The following ARHGAP21 variants were observed in gnomAD, a reference collection of about 807,000 sequenced individuals.
ARHGAP21 encodes rho GTPase-activating protein 21.
A neutral mutation model predicts 164.6 loss-of-function variants in ARHGAP21; 38 were observed. That is an observed-to-expected ratio of 0.23 (90% confidence interval 0.18 to 0.30). ARHGAP21 has a LOEUF of 0.30. ARHGAP21 is among the 10% of genes least tolerant of loss of function. The pLI is 1.00. For synonymous variants in ARHGAP21, 766 were observed against 857.9 expected, an observed-to-expected ratio of 0.89 and a Z score of 1.87; for missense variants, 1,822 against 2,370.7, an observed-to-expected ratio of 0.77 and a Z score of 4.81.
At chr10:24,695,115 A>G (rs1004305259) in intron 2 of ARHGAP21, among the ~76,000 whole-genome samples, 6 of 147,192 alleles carry the variant, frequency 4.1e-5, no homozygotes, top group African/African-American at 1.2e-4. Flanking sequence ...AAGAAAAGAA[A>G]CTCCCTGAAC....
intron 7 of ARHGAP21, 146 bp from the exon 8 acceptor site, chr10:24,622,908 A>G: frequency 1.5e-6 from 1 of 654,592 alleles, no homozygotes; most frequent in South Asian, 2.2e-5. Context: ...AAGGGCAGTG[A>G]AGCATAAAGA....
At chr10:24,649,685 G>A (rs1184338615) in intron 4 of ARHGAP21, among the ~76,000 whole-genome samples, 1 of 150,862 alleles carries the variant, frequency 6.6e-6, no homozygotes, top group African/African-American at 2.4e-5. Context: ...ATTTTTGAAG[G>A]TCATAAAACA....
chr10:24,612,581 G>A (rs927456618), intron 9 of ARHGAP21, among the ~76,000 whole-genome samples: 6 of 152,214 alleles, frequency 3.9e-5, no homozygotes, highest in African/African-American at 1.4e-4. Context: ...CAGGCCAGGT[G>A]TGGTGGCTCA....
intron 4 of ARHGAP21, among the ~76,000 whole-genome samples, chr10:24,656,545 C>T (rs1212713463): frequency 1.1e-5 from 1 of 94,876 alleles, no homozygotes; most frequent in Admixed American, 8.9e-5. Context: ...CCCGGCCAGC[C>T]GCCCTGTCCG....
chr10:24,647,055 G>T (rs1837642497), intron 4 of ARHGAP21, among the ~76,000 whole-genome samples: 1 of 152,082 alleles, frequency 6.6e-6, no homozygotes, highest in African/African-American at 2.4e-5. Flanking sequence ...TTAGTTCTCT[G>T]CAATCCTAAA....
chr10:24,615,263 G>A (rs926309383), intron 9 of ARHGAP21, among the ~76,000 whole-genome samples: 1 of 152,134 alleles, frequency 6.6e-6, no homozygotes, highest in African/African-American at 2.4e-5. Context: ...TTTATTGGTG[G>A]AACATTTTTG....
At chr10:24,686,567 A>G (rs1842233032) in intron 2 of ARHGAP21, among the ~76,000 whole-genome samples, 1 of 152,246 alleles carries the variant, frequency 6.6e-6, no homozygotes, top group Non-Finnish European at 1.5e-5. Context: ...TTTCAATGGC[A>G]TGAGAAAATG....
At chr10:24,716,260 G>A (rs565385329) in intron 2 of ARHGAP21, among the ~76,000 whole-genome samples, 39 of 152,306 alleles carry the variant, frequency 2.6e-4, no homozygotes, top group African/African-American at 7.5e-4. Flanking sequence ...TAAGCATGCC[G>A]GGTGGAGACT....
chr10:24,588,000 GTC>G (rs1364223296), intron 25 of ARHGAP21, among the ~76,000 whole-genome samples: 2 of 152,260 alleles, frequency 1.3e-5, no homozygotes, highest in East Asian at 1.9e-4. Context: ...TTTCAAACAG[GTC>G]TCTCTGGTTT....
chr10:24,716,699 G>C (rs1186160411), intron 2 of ARHGAP21, among the ~76,000 whole-genome samples: 1 of 152,236 alleles, frequency 6.6e-6, no homozygotes, highest in Non-Finnish European at 1.5e-5. Context: ...TAAATTGTCT[G>C]TCCTGATTGC....
intron 2 of ARHGAP21, among the ~76,000 whole-genome samples, chr10:24,712,160 C>T (rs1392150027): frequency 6.6e-6 from 1 of 152,132 alleles, no homozygotes; most frequent in Non-Finnish European, 1.5e-5. Context: ...AAGTGATCTG[C>T]CTGCCTCAGC....
chr10:24,655,863 G>A (rs1354285463), intron 4 of ARHGAP21, among the ~76,000 whole-genome samples: 14 of 132,916 alleles, frequency 1.1e-4, no homozygotes, highest in African/African-American at 2.6e-4. Flanking sequence ...CCTCTGCCCC[G>A]CCACCCCATC....
intron 16 of ARHGAP21, 107 bp from the exon 17 acceptor site, chr10:24,596,989 A>C (rs1244824445): frequency 8.4e-7 from 1 of 1,193,116 alleles, no homozygotes; most frequent in African/African-American, 1.6e-5. Context: ...CAAGTCCTGT[A>C]ATATAAATAA....
intron 4 of ARHGAP21, among the ~76,000 whole-genome samples, chr10:24,645,797 C>G (rs1837511197): frequency 6.6e-6 from 1 of 152,060 alleles, no homozygotes; most frequent in Admixed American, 6.6e-5. Context: ...GCTCTACATT[C>G]CAACTGAGAG....
intron 15 of ARHGAP21, 79 bp downstream of exon 15, chr10:24,597,866 G>C: frequency 7.0e-7 from 1 of 1,435,718 alleles, no homozygotes; most frequent in Non-Finnish European, 9.7e-7. Context: ...GGGGGTCTTG[G>C]AATGTATCCT....
Position 24,585,257 on chromosome 10 carries a change from C to T in ARHGAP21, c.5032G>A (p.Glu1678Lys), listed in dbSNP as rs752660459. The change falls in exon 26 of 26, where the codon GAG becomes AAG. Residue 1678 changes from glutamate (E) to lysine (K), a missense_variant. By Grantham distance (56) the Glu-to-Lys change is moderately conservative. Around this residue, in one of 5 missense-constraint regions of ARHGAP21, gnomAD observed 117 missense variants for 193.2 expected, o/e 0.61. Transcript: ENST00000396432. The part of the protein sequence containing the change: ...NSEGSELSCT[E>K]GSLTSSLDSR... ...TCTAAACTTGATGTTAAACTTCCCT[C>T]GGTGCAACTTAATTCACTTCCTTCA... 4 of 1,606,010 alleles carry T rather than the reference C, an allele frequency of 2.5e-6. No individual in the cohort carries two copies. The highest frequency in any genetic ancestry group is 1.3e-5 in the African/African-American group (1 of 74,782).
At chr10:24,639,550 T>A (rs551300913) in intron 4 of ARHGAP21, among the ~76,000 whole-genome samples, 2 of 152,262 alleles carry the variant, frequency 1.3e-5, no homozygotes, top group South Asian at 2.1e-4. Flanking sequence ...GCCTGTCACA[T>A]CGCAAGTGAG....
chr10:24,681,752 T>C (rs1012035828), intron 2 of ARHGAP21, among the ~76,000 whole-genome samples: 5 of 152,184 alleles, frequency 3.3e-5, no homozygotes, highest in African/African-American at 1.2e-4. Flanking sequence ...TTTTAGGATG[T>C]CATTAGCTGA....
intron 2 of ARHGAP21, among the ~76,000 whole-genome samples, chr10:24,682,175 A>G (rs1352920069): frequency 1.3e-5 from 2 of 152,064 alleles, no homozygotes; most frequent in East Asian, 3.8e-4. Flanking sequence ...ACGTATTGTG[A>G]TACCACTTTT....
Sources: gnomAD v4.1 joint callset for allele counts (sites outside exome capture counted in the v4.1 genomes callset) on GRCh38, gnomAD v4.1.1 for gene constraint, gnomAD v4.1.1 regional missense constraint, MANE v1.5 for transcripts, NCBI Gene and HGNC (gene_info 2026-07-23, HGNC 2026-07-21) for gene names.